ROBO1: variants seen among roughly 807,000 people sequenced by gnomAD.
ROBO1 encodes roundabout guidance receptor 1.
ROBO1 carries 149 observed loss-of-function variants against 195.9 expected under a neutral mutation model. The observed-to-expected ratio is 0.76, with a 90% CI of 0.67 to 0.87. ROBO1 has a LOEUF of 0.87. ROBO1 is among the 40% of genes least tolerant of loss of function. The pLI, the probability that ROBO1 is intolerant of heterozygous loss-of-function variation, is 0.00. For missense variants in ROBO1, 1,933 were observed against 2,068.3 expected (o/e 0.93, Z 1.27); for synonymous variants, 816 against 733.2 (o/e 1.11, Z -1.82).
chr3:79,597,128 C>CGT (rs10597144), intron 1 of ROBO1, among the ~76,000 whole-genome samples: 2,338 of 149,350 alleles, frequency 0.016, 57 homozygotes, highest in African/African-American at 0.046. Context: ...TGTGCATGCA[C>CGT]GTGTGTGTGT....
At chr3:79,322,516 T>G (rs984775735) in intron 2 of ROBO1, among the ~76,000 whole-genome samples, 1 of 152,152 alleles carries the variant, frequency 6.6e-6, no homozygotes, top group African/African-American at 2.4e-5. Context: ...GAATAGACCC[T>G]AATACTGTTC....
chr3:79,513,200 G>A (rs180896621), intron 2 of ROBO1, among the ~76,000 whole-genome samples: 16 of 152,134 alleles, frequency 1.1e-4, no homozygotes, highest in Admixed American at 3.3e-4. Flanking sequence ...CAGATCTGTG[G>A]AACTTTCAGT....
intron 2 of ROBO1, among the ~76,000 whole-genome samples, chr3:79,579,158 G>A (rs935846337): frequency 6.6e-6 from 1 of 152,114 alleles, no homozygotes; most frequent in African/African-American, 2.4e-5. Context: ...GGTCATAACT[G>A]TTCATATTGT....
intron 3 of ROBO1, among the ~76,000 whole-genome samples, chr3:79,089,985 G>C (rs1322737015): frequency 1.4e-5 from 2 of 147,840 alleles, no homozygotes; most frequent in Admixed American, 6.8e-5. Context: ...TGTTGCCCAG[G>C]CTGGAGTGCA....
rs1046039256 is a variant in ROBO1, at chr3:78,598,728, G to A, written c.*185C>T. On this transcript the variant is annotated 3_prime_UTR_variant, in exon 31 of 31. Coordinates refer to ENST00000464233, the MANE Select transcript of ROBO1 (RefSeq NM_002941.4). ...ATAGGAAGGCTCTTTGTAGGGTTAGGGATCAAACAACAACAATAAAAACCC... is the reference window on the plus strand; with the variant it reads ...ATAGGAAGGCTCTTTGTAGGGTTAGAGATCAAACAACAACAATAAAAACCC... 4 of 422,912 alleles carry A rather than the reference G, an allele frequency of 9.5e-6. No individual in the cohort carries two copies. The highest frequency in any genetic ancestry group is 8.1e-5 in the African/African-American group (4 of 49,222). The allele number at this position is 422,912 out of a possible 1,614,324, so 26.2% of individuals were successfully genotyped here.
At chr3:79,352,404 T>C (rs559636550) in intron 2 of ROBO1, among the ~76,000 whole-genome samples, 18 of 152,320 alleles carry the variant, frequency 1.2e-4, no homozygotes, top group African/African-American at 4.1e-4. Flanking sequence ...CCACTGGTAG[T>C]GTCTTACACA....
chr3:79,343,734 G>T (rs2034999444), intron 2 of ROBO1, among the ~76,000 whole-genome samples: 1 of 150,856 alleles, frequency 6.6e-6, no homozygotes, highest in South Asian at 2.1e-4. Flanking sequence ...AAGAAAATTT[G>T]CCAAGTAAGG....
chr3:79,576,554 A>C (rs946690373), intron 2 of ROBO1, among the ~76,000 whole-genome samples: 2 of 152,106 alleles, frequency 1.3e-5, no homozygotes, highest in Non-Finnish European at 2.9e-5. Flanking sequence ...AAGAAAAAAA[A>C]ATCATTTCAA....
intron 2 of ROBO1, among the ~76,000 whole-genome samples, chr3:79,288,231 T>A (rs951115463): frequency 6.6e-6 from 1 of 152,288 alleles, no homozygotes; most frequent in Non-Finnish European, 1.5e-5. Flanking sequence ...CCCTGATACT[T>A]GTAATTTACT....
At chr3:79,192,769 T>A (rs533194049) in intron 2 of ROBO1, among the ~76,000 whole-genome samples, 13 of 151,672 alleles carry the variant, frequency 8.6e-5, no homozygotes, top group Non-Finnish European at 1.5e-4. Flanking sequence ...AAAATAATCT[T>A]TTACTTAAGA....
chr3:79,693,064 T>C (rs1456899257), intron 1 of ROBO1, among the ~76,000 whole-genome samples: 5 of 151,772 alleles, frequency 3.3e-5, no homozygotes, highest in African/African-American at 1.2e-4. Context: ...CATTTAAGAT[T>C]TCAGATTTTC....
intron 15 of ROBO1, among the ~76,000 whole-genome samples, chr3:78,661,574 G>A (rs1426483539): frequency 6.6e-6 from 1 of 152,102 alleles, no homozygotes. Flanking sequence ...AGAAATGTGA[G>A]GCCTGATGGC....
intron 8 of ROBO1, among the ~76,000 whole-genome samples, chr3:78,710,276 C>A (rs1056069685): frequency 4.6e-5 from 7 of 152,068 alleles, no homozygotes; most frequent in Non-Finnish European, 8.8e-5. Flanking sequence ...CCATGAACTC[C>A]TGGCCACAAG....
At chr3:78,853,784 G>A (rs960363253) in intron 4 of ROBO1, among the ~76,000 whole-genome samples, 3 of 152,052 alleles carry the variant, frequency 2.0e-5, no homozygotes, top group Admixed American at 6.6e-5. Context: ...CACGTGACTG[G>A]AGAGGCCTCA....
At chr3:79,742,080 A>T (rs1703672000) in intron 1 of ROBO1, among the ~76,000 whole-genome samples, 1 of 152,258 alleles carries the variant, frequency 6.6e-6, no homozygotes, top group Non-Finnish European at 1.5e-5. Context: ...AAAGGGAAGC[A>T]GAGCATAAAA....
chr3:79,164,171 A>C (rs2081022421), intron 2 of ROBO1, among the ~76,000 whole-genome samples: 1 of 152,168 alleles, frequency 6.6e-6, no homozygotes, highest in Non-Finnish European at 1.5e-5. Flanking sequence ...TACACAGTGT[A>C]AATTATTAAA....
intron 3 of ROBO1, among the ~76,000 whole-genome samples, chr3:79,064,655 G>T (rs970430983): frequency 6.6e-6 from 1 of 151,742 alleles, no homozygotes; most frequent in Admixed American, 6.6e-5. Flanking sequence ...ACACCACTTC[G>T]GAGTAATCTA....
At chr3:79,333,588 A>C (rs528230087) in intron 2 of ROBO1, among the ~76,000 whole-genome samples, 1 of 152,094 alleles carries the variant, frequency 6.6e-6, no homozygotes, top group African/African-American at 2.4e-5. Context: ...CCCCACTCCA[A>C]CCTCACTTAG....
At position 78,606,909 on chromosome 3, in the gene ROBO1, T is replaced by G; in HGVS notation, c.4568A>C (p.Asp1523Ala). Residue 1523 changes from aspartate (D) to alanine (A), a missense_variant, in exon 29 of 31, where the codon GAC becomes GCC. Asp to Ala is a moderately radical substitution (Grantham distance 126). Transcript: ENST00000464233. Reference protein sequence around the residue: ...SMDARTDRSSDRKGSSYKGRE... With the variant: ...SMDARTDRSSARKGSSYKGRE... ...CCCCTTGTAACTGCTTCCTTTTCTG[T>G]CTGATGATCTGTCTGTTCTTGCATC... 1 of 1,613,930 alleles carries G rather than the reference T, an allele frequency of 6.2e-7. No homozygotes were observed. Among genetic ancestry groups the G allele is most frequent in the Non-Finnish European group, 8.5e-7 (1 of 1,179,890 alleles).
Sources: allele counts gnomAD v4.1 joint callset (sites outside exome capture counted in the v4.1 genomes callset), GRCh38; gene constraint gnomAD v4.1.1; transcripts MANE v1.5; gene names NCBI Gene and HGNC (gene_info 2026-07-23, HGNC 2026-07-21).